The following CPNE7 variants were observed in gnomAD, a reference collection of about 807,000 sequenced individuals.
The protein encoded by CPNE7 is copine 7.
CPNE7 carries 78 observed loss-of-function variants against 66.5 expected under a neutral mutation model. The observed-to-expected ratio is 1.17, with a 90% CI of 0.98 to 1.42. The LOEUF (loss-of-function observed/expected upper bound fraction) is 1.42. CPNE7 is among the 40% of genes most tolerant of loss of function. The probability of loss-of-function intolerance (pLI) is 0.00; values close to 1 mark genes in which losing one functional copy is unlikely to be tolerated. For synonymous variants in CPNE7, 468 were observed against 336.7 expected (o/e 1.39, Z -4.27); for missense variants, 1,012 against 776.6 (o/e 1.30, Z -3.60).
Position 89,595,427 on chromosome 16 carries a change from G to A in CPNE7, c.1363G>A (p.Glu455Lys). 1 of 1,607,638 alleles carries A rather than the reference G, an allele frequency of 6.2e-7. No individual in the cohort carries two copies. Among genetic ancestry groups the A allele is most frequent in the Non-Finnish European group, 8.5e-7 (1 of 1,176,116 alleles). ...GVVTDMADTR[E>K]AIVRASRLPM... ...GGTGACCGACATGGCCGACACACGG[G>A]AGGCCATTGTGCGTGCCTCACGCCT... Residue 455 changes from glutamate (E) to lysine (K), a missense_variant, in exon 14 of 15, where the codon GAG becomes AAG. By Grantham distance (56) the Glu-to-Lys change is moderately conservative. Coordinates refer to ENST00000319518, the MANE Select transcript of CPNE7 (RefSeq NM_153636.3).
intron 9 of CPNE7, among the ~76,000 whole-genome samples, chr16:89,588,177 C>G (rs1247428876): frequency 3.8e-5 from 5 of 130,342 alleles, no homozygotes; most frequent in South Asian, 2.7e-4. Flanking sequence ...CCGCGTGTCA[C>G]CCACAGATAC....
rs1597726791 is a variant in CPNE7 at position 89,596,820 on chromosome 16, C to T, written c.*199C>T. The T allele has an allele frequency of 1.5e-5, 9 of 585,100 alleles. 1 individual carries two copies. The South Asian group carries it at 2.8e-4, about 18-fold the overall frequency. 36.2% of individuals were successfully genotyped at this position (585,100 alleles called of 1,614,324 possible). On this transcript the variant is annotated 3_prime_UTR_variant, in exon 15 of 15. Transcript: ENST00000319518. ...CCCAAGGCCGAAGGGTGACAAAATA[C>T]AGGCCCCCATGCCTGGCCCTGCCTG...
chr16:89,595,644 G>A (rs1567969035), intron 14 of CPNE7, 41 bp downstream of exon 14: 8 of 1,544,798 alleles, frequency 5.2e-6, no homozygotes, highest in Admixed American at 1.7e-5. Context: ...CGGCTTGGGG[G>A]TCCCTGTTCA....
intron 9 of CPNE7, chr16:89,587,653 C>T (rs1024583273): frequency 1.4e-5 from 6 of 442,734 alleles, no homozygotes; most frequent in Non-Finnish European, 2.7e-5. Flanking sequence ...CCCCGTGTCA[C>T]CCCCATGTCA....
At chr16:89,587,124 A>T (rs572621516) in intron 9 of CPNE7, 22 bp downstream of exon 9, 687 of 1,033,054 alleles carry the variant, frequency 6.7e-4, no homozygotes, top group Middle Eastern at 2.6e-3. Flanking sequence ...GCCCCGCCCC[A>T]TGCCGCCCCC....
chr16:89,586,683 G>C lies in CPNE7; in HGVS notation c.794G>C (p.Cys265Ser). The part of the protein sequence containing the change: ...AFEEGQAQWD[C>S]VNPKYKQKRR... The stretch of plus-strand genomic sequence containing the variant: ...TTCCTGCCCCAGGCCCAGTGGGACT[G>C]TGTGAACCCCAAATACAAGCAGAAG... Residue 265 changes from cysteine (C) to serine (S), a missense_variant, in exon 8 of 15, where the codon TGT (cysteine) becomes TCT (serine). Cys to Ser is a moderately radical substitution (Grantham distance 112, BLOSUM62 -1). Coordinates refer to ENST00000319518, the MANE Select transcript of CPNE7 (RefSeq NM_153636.3). The C allele has an allele frequency of 2.5e-6, 4 of 1,612,874 alleles. No individual in the cohort carries two copies. Among genetic ancestry groups the C allele is most frequent in the Non-Finnish European group, 3.4e-6 (4 of 1,179,622 alleles).
intron 2 of CPNE7, among the ~76,000 whole-genome samples, chr16:89,581,491 C>G (rs1457100715): frequency 2.0e-5 from 3 of 152,172 alleles, no homozygotes; most frequent in South Asian, 4.1e-4. Flanking sequence ...ATTCTTTTAC[C>G]CAACATAATG....
At chr16:89,580,455 G>A (rs1346016425) in intron 2 of CPNE7, among the ~76,000 whole-genome samples, 5 of 96,156 alleles carry the variant, frequency 5.2e-5, no homozygotes, top group African/African-American at 1.6e-4. Context: ...CCCATCACAC[G>A]GAACATCTCA....
Position 89,590,017 on chromosome 16 carries a change from G to A in CPNE7, c.1116+66G>A, listed in dbSNP as rs1219418796. On this transcript the variant is annotated intron_variant, in intron 11 of 14. Coordinates refer to ENST00000319518, the MANE Select transcript of CPNE7 (RefSeq NM_153636.3). ...TCTCGTGCCCTCCCAGGCAGAGGAC[G>A]GCCTGGCCCAGGGAGCCCTGGCTGC... The A allele has an allele frequency of 2.4e-5, 38 of 1,572,178 alleles. No homozygotes were observed. In the East Asian group the frequency reaches 3.2e-4, roughly 13 times the overall value.
intron 9 of CPNE7, 124 bp from the exon 10 acceptor site, chr16:89,588,551 C>A: frequency 2.5e-6 from 3 of 1,223,128 alleles, no homozygotes; most frequent in East Asian, 2.4e-5. Flanking sequence ...GCCCCCCAGC[C>A]CTACCCACCT....
chr16:89,586,908 G>C, intron 8 of CPNE7, 135 bp from the exon 9 acceptor site: 1 of 1,100,680 alleles, frequency 9.1e-7, no homozygotes. Context: ...AGGTTGGGGA[G>C]AGAGGATGGG....
chr16:89,589,818 G>A (rs997156539), intron 10 of CPNE7, 79 bp from the exon 11 acceptor site: 3 of 1,523,996 alleles, frequency 2.0e-6, no homozygotes, highest in South Asian at 2.3e-5. Flanking sequence ...TTGGGCGCCA[G>A]TCATGTCTCC....
rs1567960787 is a variant in CPNE7, at chr16:89,587,731, CCACAGATACACGGCCCCCG to C, written c.927+630_927+648del. ...CACCCCCATAGCACCCCCGTGTCAC[CCACAGATACACGGCCCCCG>C]TGTCACCCGCGTGTCACCCACAGAA... On this transcript the variant is annotated intron_variant, in intron 9 of 14. Coordinates refer to ENST00000319518, the MANE Select transcript of CPNE7 (RefSeq NM_153636.3). 62 of 178,048 alleles carry C rather than the reference CCACAGATACACGGCCCCCG, an allele frequency of 3.5e-4. 4 individuals are homozygous for C. The highest frequency in any genetic ancestry group is 1.8e-3 in the South Asian group (42 of 22,922). The allele number at this position is 178,048 out of a possible 1,614,324, so 11.0% of individuals were successfully genotyped here.
Position 89,576,047 on chromosome 16 carries a change from GC to G in CPNE7, c.151del (p.Gln51ArgfsTer76). The G allele has an allele frequency of 7.6e-7, 1 of 1,317,506 alleles. No individual in the cohort carries two copies. Among genetic ancestry groups the G allele is most frequent in the Non-Finnish European group, 9.7e-7 (1 of 1,034,118 alleles). 81.6% of individuals were successfully genotyped at this position (1,317,506 alleles called of 1,614,324 possible). On this transcript the variant is annotated frameshift_variant, in exon 1 of 15. Coordinates refer to ENST00000319518, the MANE Select transcript of CPNE7 (RefSeq NM_153636.3). LOFTEE classifies it high-confidence loss of function. ...KSDPSVALLQ[Q>X]AQGQWVQVGR... ...CCGACCCCAGCGTGGCGTTGCTGCA[GC>G]AGGCGCAGGGCCAGTGGGTGCAGGT...
chr16:89,578,508 CCAG>C (rs2151426719), intron 2 of CPNE7, among the ~76,000 whole-genome samples: 1 of 152,176 alleles, frequency 6.6e-6, no homozygotes, highest in African/African-American at 2.4e-5. Flanking sequence ...ACCTGTGATC[CCAG>C]CACTGTGGGA....
At position 89,575,816 on chromosome 16, in the gene CPNE7, C is replaced by T; in HGVS notation, c.-82C>T. 9.7e-7 allele frequency: 1 copy of T among 1,028,130 alleles called. No individual in the cohort carries two copies. The highest frequency in any genetic ancestry group is 1.2e-6 in the Non-Finnish European group (1 of 842,078). The allele number at this position is 1,028,130 out of a possible 1,614,324, so 63.7% of individuals were successfully genotyped here. A position where few individuals can be genotyped will look rare whatever the true frequency, so the allele number is the denominator to read the frequency against. The stretch of plus-strand genomic sequence containing the variant: ...GCGCGGCCACGCCTGGGCCGGCCAC[C>T]ATTTCCCGGGCGCCGCGGCGGCGCC... On this transcript the variant is annotated 5_prime_UTR_variant, in exon 1 of 15. Coordinates refer to ENST00000319518, the MANE Select transcript of CPNE7 (RefSeq NM_153636.3).
chr16:89,580,925 C>CCCG (rs2058946136), intron 2 of CPNE7, among the ~76,000 whole-genome samples: 1 of 146,348 alleles, frequency 6.8e-6, no homozygotes, highest in African/African-American at 2.6e-5. Flanking sequence ...CATGGAACAT[C>CCCG]TCACCCATCA....
intron 13 of CPNE7, 38 bp downstream of exon 13, chr16:89,591,298 G>C (rs1293175820): frequency 5.9e-6 from 9 of 1,521,814 alleles, no homozygotes; most frequent in Non-Finnish European, 7.9e-6. Flanking sequence ...CTTGGTGTGG[G>C]GTCGGCTGTG....
intron 9 of CPNE7, 33 bp from the exon 10 acceptor site, chr16:89,588,642 C>CCAGCA: frequency 6.2e-7 from 1 of 1,612,070 alleles, no homozygotes; most frequent in Non-Finnish European, 8.5e-7. Context: ...GAGCCCCGGC[C>CCAGCA]CAGCACAGCT....
Sources: gnomAD v4.1 joint callset for allele counts (sites outside exome capture counted in the v4.1 genomes callset) on GRCh38, gnomAD v4.1.1 for gene constraint, MANE v1.5 for transcripts, NCBI Gene and HGNC (gene_info 2026-07-23, HGNC 2026-07-21) for gene names.